NBEA: variants seen among roughly 807,000 people sequenced by gnomAD.
NBEA encodes neurobeachin.
A neutral mutation model predicts 343.4 loss-of-function variants in NBEA; 44 were observed. The observed-to-expected ratio is 0.13, with a 90% CI of 0.10 to 0.16. NBEA has a LOEUF of 0.16. NBEA is among the 10% of genes least tolerant of loss of function. The pLI, the probability that NBEA is intolerant of heterozygous loss-of-function variation, is 1.00. For synonymous variants in NBEA, 1,175 were observed against 1,238.7 expected (o/e 0.95, Z 1.08); for missense variants, 2,555 against 3,631.3 (o/e 0.70, Z 7.62).
At chr13:35,110,014 A>G (rs1363866898) in intron 12 of NBEA, among the ~76,000 whole-genome samples, 11 of 149,088 alleles carry the variant, frequency 7.4e-5, no homozygotes, top group Non-Finnish European at 1.5e-4. Flanking sequence ...CCTAAGCCCA[A>G]ATCTGAATTT....
At chr13:35,421,358 T>C (rs2044259883) in intron 38 of NBEA, among the ~76,000 whole-genome samples, 1 of 152,108 alleles carries the variant, frequency 6.6e-6, no homozygotes, top group Non-Finnish European at 1.5e-5. Context: ...TAGTGTTTGC[T>C]CTAAGTATTA....
rs756681727 is a variant in NBEA at position 35,670,964 on chromosome 13, G to T, written c.8877G>T (p.Trp2959Cys). Residue 2959 changes from tryptophan to cysteine, a missense_variant, in exon 59 of 59, where the codon TGG becomes TGT. Trp to Cys is a radical substitution (Grantham distance 215). Around this residue, in one of 21 missense-constraint regions of NBEA, gnomAD observed 186 missense variants for 328.9 expected, o/e 0.57. Transcript: ENST00000379939. Reference protein sequence around the residue: ...IVAFNIDFNRWHYEHQNRY With the variant: ...IVAFNIDFNRCHYEHQNRY ...CTTTTAATATAGATTTTAATCGGTGGCATTATGAGCATCAGAACAGATACT... is the reference window on the plus strand; with the variant it reads ...CTTTTAATATAGATTTTAATCGGTGTCATTATGAGCATCAGAACAGATACT... 6.3e-7 allele frequency: 1 copy of T among 1,583,588 alleles called. No individual in the cohort carries two copies. The highest frequency in any genetic ancestry group is 1.8e-5 in the Admixed American group (1 of 55,738).
chr13:35,658,041 G>A (rs967743755), intron 55 of NBEA, among the ~76,000 whole-genome samples: 2 of 152,024 alleles, frequency 1.3e-5, no homozygotes, highest in African/African-American at 4.8e-5. Flanking sequence ...TGGTACATCA[G>A]TTAGCAAGAA....
intron 51 of NBEA, among the ~76,000 whole-genome samples, chr13:35,648,871 G>C: frequency 6.7e-6 from 1 of 148,392 alleles, no homozygotes; most frequent in East Asian, 2.0e-4. Flanking sequence ...GGGGGTGGGG[G>C]TGGTGGGAGG....
rs549660874 is a variant in NBEA, at chr13:35,304,418, G to A, written c.5839-5110G>A. 5.9e-5 allele frequency among the ~76,000 whole-genome samples: 9 copies of A among 151,880 alleles called. No individual in the cohort carries two copies. The South Asian group carries it at 8.3e-4, about 14-fold the overall frequency. On this transcript the variant is annotated intron_variant, in intron 35 of 58. Transcript: ENST00000379939. ...CACCCAGACTGGAGTGCATTGGCGCGGTATTGGCTCACTGCAACCTCTGCC... is the reference window on the plus strand; with the variant it reads ...CACCCAGACTGGAGTGCATTGGCGCAGTATTGGCTCACTGCAACCTCTGCC...
intron 38 of NBEA, among the ~76,000 whole-genome samples, chr13:35,423,824 A>G (rs2044463968): frequency 6.6e-6 from 1 of 151,858 alleles, no homozygotes; most frequent in Admixed American, 6.6e-5. Context: ...CTTTTATTTC[A>G]TTGAGCAGTG....
chr13:35,251,570 C>T (rs2031960430), intron 34 of NBEA: 27 of 1,199,444 alleles, frequency 2.3e-5, no homozygotes, highest in Non-Finnish European at 2.8e-5. Context: ...TTCAGGAAGG[C>T]GTTCACAGAA....
chr13:35,357,874 T>C (rs2040579609), intron 38 of NBEA, among the ~76,000 whole-genome samples: 1 of 152,210 alleles, frequency 6.6e-6, no homozygotes, highest in Non-Finnish European at 1.5e-5. Flanking sequence ...ACACAATAGA[T>C]ATCCAATGCT....
At chr13:35,375,141 G>T (rs535093979) in intron 38 of NBEA, among the ~76,000 whole-genome samples, 1 of 151,840 alleles carries the variant, frequency 6.6e-6, no homozygotes, top group African/African-American at 2.4e-5. Context: ...AGTCACTTTC[G>T]CACTGCTTTC....
intron 38 of NBEA, among the ~76,000 whole-genome samples, chr13:35,365,922 CTGATATT>C (rs1032434293): frequency 3.3e-5 from 5 of 151,512 alleles, no homozygotes; most frequent in African/African-American, 1.2e-4. Context: ...GGAGCATTTT[CTGATATT>C]TGTGCTCACA....
At chr13:35,536,573 AAC>A (rs1264502160) in intron 41 of NBEA, among the ~76,000 whole-genome samples, 1 of 152,196 alleles carries the variant, frequency 6.6e-6, no homozygotes, top group Non-Finnish European at 1.5e-5. Flanking sequence ...ATCTGATAAT[AAC>A]ACTTTATATT....
chr13:35,107,999 G>T (rs2066001386), intron 11 of NBEA, among the ~76,000 whole-genome samples: 1 of 152,098 alleles, frequency 6.6e-6, no homozygotes, highest in African/African-American at 2.4e-5. Context: ...CGTTTATGTA[G>T]AAGTGTGAAA....
intron 34 of NBEA, among the ~76,000 whole-genome samples, chr13:35,284,468 T>C (rs951009055): frequency 6.6e-6 from 1 of 152,172 alleles, no homozygotes; most frequent in African/African-American, 2.4e-5. Context: ...TATTATAGTT[T>C]TAAGTTAATA....
intron 1 of NBEA, among the ~76,000 whole-genome samples, chr13:34,974,134 A>G: frequency 6.6e-6 from 1 of 151,328 alleles, no homozygotes; most frequent in East Asian, 1.9e-4. Flanking sequence ...GCTTTGTGTC[A>G]CTCTCAGGTG....
At chr13:35,382,644 A>G (rs2042070762) in intron 38 of NBEA, among the ~76,000 whole-genome samples, 1 of 152,198 alleles carries the variant, frequency 6.6e-6, no homozygotes, top group Non-Finnish European at 1.5e-5. Flanking sequence ...CTATATGCAC[A>G]GTGTTAATCT....
chr13:35,463,857 G>T (rs991852078), intron 40 of NBEA, among the ~76,000 whole-genome samples: 26 of 151,948 alleles, frequency 1.7e-4, no homozygotes, highest in Admixed American at 1.5e-3. Context: ...GGGAGGGTAG[G>T]ACTAGTAGCA....
rs369236052 is a variant in NBEA at position 35,184,044 on chromosome 13, C to G, written c.4900C>G (p.Gln1634Glu). Reference sequence around the variant, plus strand: ...ATTCCTTGCCAAGTTAATTCCTGAGCAGAGCTTTGGCCACTCATTTTACAA... The same window carrying G: ...ATTCCTTGCCAAGTTAATTCCTGAGGAGAGCTTTGGCCACTCATTTTACAA... The part of the protein sequence containing the change: ...HGFLAKLIPE[Q>E]SFGHSFYKET... The change falls in exon 30 of 59, where the codon CAG becomes GAG. Residue 1634 changes from glutamine (Q) to glutamate (E), a missense_variant. By Grantham distance (29) the Gln-to-Glu change is conservative. Coordinates refer to ENST00000379939, the MANE Select transcript of NBEA (RefSeq NM_001385012.1). The G allele has an allele frequency of 6.2e-7, 1 of 1,611,564 alleles. No homozygotes were observed. Among genetic ancestry groups the G allele is most frequent in the Non-Finnish European group, 8.5e-7 (1 of 1,178,394 alleles).
At chr13:34,993,444 T>A (rs1476156286) in intron 1 of NBEA, among the ~76,000 whole-genome samples, 1 of 152,216 alleles carries the variant, frequency 6.6e-6, no homozygotes, top group Non-Finnish European at 1.5e-5. Flanking sequence ...ATTACAGACC[T>A]TTGCATATAG....
At chr13:35,090,951 A>T (rs2065050043) in intron 10 of NBEA, among the ~76,000 whole-genome samples, 1 of 152,016 alleles carries the variant, frequency 6.6e-6, no homozygotes, top group African/African-American at 2.4e-5. Context: ...TTATCCCCTA[A>T]CATGAATTAA....
Sources: gnomAD v4.1 joint callset for allele counts (sites outside exome capture counted in the v4.1 genomes callset) on GRCh38, gnomAD v4.1.1 for gene constraint, gnomAD v4.1.1 regional missense constraint, MANE v1.5 for transcripts, NCBI Gene and HGNC (gene_info 2026-07-23, HGNC 2026-07-21) for gene names.